The following TMEM117 variants were observed in gnomAD, a reference collection of about 807,000 sequenced individuals.
TMEM117 encodes transmembrane protein 117.
In TMEM117, 27 loss-of-function variants were observed where a neutral mutation model predicts 52.4. That is an observed-to-expected ratio of 0.51 (90% confidence interval 0.38 to 0.71). The LOEUF (loss-of-function observed/expected upper bound fraction) is 0.71. Ranked by LOEUF, TMEM117 falls within the 30% of genes least tolerant of loss-of-function variation. The pLI, the probability that TMEM117 is intolerant of heterozygous loss-of-function variation, is 0.00. For synonymous variants in TMEM117, 215 were observed against 206.3 expected (o/e 1.04, Z -0.36); for missense variants, 556 against 630.5 (o/e 0.88, Z 1.26).
chr12:43,855,912 T>C (rs1943391918), intron 2 of TMEM117, among the ~76,000 whole-genome samples: 2 of 152,200 alleles, frequency 1.3e-5, no homozygotes, highest in Non-Finnish European at 2.9e-5. Context: ...GTCATGGTAA[T>C]ACAGGAATAT....
intron 5 of TMEM117, among the ~76,000 whole-genome samples, chr12:44,283,366 G>A (rs1015410255): frequency 4.6e-5 from 7 of 152,258 alleles, no homozygotes; most frequent in Middle Eastern, 3.4e-3. Flanking sequence ...AGCCAAGAGG[G>A]AGTCTGTCCA....
intron 5 of TMEM117, among the ~76,000 whole-genome samples, chr12:44,274,270 G>C (rs1950485065): frequency 6.6e-6 from 1 of 151,980 alleles, no homozygotes; most frequent in South Asian, 2.1e-4. Context: ...ACTTAGTAAT[G>C]AAAACTATAA....
intron 3 of TMEM117, among the ~76,000 whole-genome samples, chr12:43,959,463 T>G (rs569028373): frequency 6.6e-6 from 1 of 152,244 alleles, no homozygotes; most frequent in Non-Finnish European, 1.5e-5. Context: ...AGTAGTTTAT[T>G]TTTAATTAAA....
intron 5 of TMEM117, among the ~76,000 whole-genome samples, chr12:44,256,525 A>T (rs936871464): frequency 3.3e-5 from 5 of 152,050 alleles, no homozygotes; most frequent in African/African-American, 1.2e-4. Flanking sequence ...TGGATATTTC[A>T]TGTGAATTTT....
intron 3 of TMEM117, among the ~76,000 whole-genome samples, chr12:43,969,611 A>T (rs1945548624): frequency 1.3e-5 from 2 of 152,018 alleles, no homozygotes; most frequent in South Asian, 4.1e-4. Flanking sequence ...TACTTCTTCC[A>T]TTCTGTCATC....
At chr12:43,957,103 T>C (rs1242936362) in intron 3 of TMEM117, among the ~76,000 whole-genome samples, 1 of 152,032 alleles carries the variant, frequency 6.6e-6, no homozygotes, top group South Asian at 2.1e-4. Context: ...AGTTGAACAA[T>C]GAGAACACAT....
intron 2 of TMEM117, among the ~76,000 whole-genome samples, chr12:43,849,701 T>A (rs550893253): frequency 1.1e-3 from 168 of 152,280 alleles, no homozygotes; most frequent in Middle Eastern, 3.4e-3. Context: ...TGGCAGTTTC[T>A]CCTTTTTTTC....
chr12:44,083,371 T>C (rs1161298792), intron 3 of TMEM117, among the ~76,000 whole-genome samples: 1 of 151,336 alleles, frequency 6.6e-6, no homozygotes, highest in Non-Finnish European at 1.5e-5. Context: ...TCACTTAAAT[T>C]TGTATTGGGT....
At chr12:43,872,763 A>G (rs955057013) in intron 2 of TMEM117, among the ~76,000 whole-genome samples, 2 of 152,234 alleles carry the variant, frequency 1.3e-5, no homozygotes, top group African/African-American at 4.8e-5. Flanking sequence ...CTTGTGGTAC[A>G]AAGAAATTGT....
intron 6 of TMEM117, among the ~76,000 whole-genome samples, chr12:44,308,886 T>C (rs1305800871): frequency 6.6e-6 from 1 of 152,168 alleles, no homozygotes; most frequent in Non-Finnish European, 1.5e-5. Flanking sequence ...CCCAAAGTGC[T>C]GGGATTATAG....
rs537298542 is a variant in TMEM117 at position 43,944,427 on chromosome 12, C to CT, written c.410+86dup. On this transcript the variant is annotated intron_variant, in intron 3 of 7. Coordinates refer to ENST00000266534, the MANE Select transcript of TMEM117 (RefSeq NM_032256.3). ...TAAGAGTTTTTTAGCTTGTAGTAGT[C>CT]TAAGTCTGCTTTACAAATATTCTAC... 1.8e-4 allele frequency: 229 copies of CT among 1,253,824 alleles called. 3 individuals carry two copies. In the South Asian group the frequency reaches 3.2e-3, roughly 18 times the overall value. 77.7% of individuals were successfully genotyped at this position (1,253,824 alleles called of 1,614,324 possible).
chr12:43,924,754 G>A (rs78492872), intron 2 of TMEM117, among the ~76,000 whole-genome samples: 94 of 152,106 alleles, frequency 6.2e-4, no homozygotes, highest in African/African-American at 2.1e-3. Context: ...AATAATTATA[G>A]AGCACAAAGT....
chr12:44,174,761 T>C (rs923616907), intron 4 of TMEM117, among the ~76,000 whole-genome samples: 1 of 152,198 alleles, frequency 6.6e-6, no homozygotes, highest in Non-Finnish European at 1.5e-5. Flanking sequence ...GTTGAGCATT[T>C]GATGAACATT....
chr12:44,026,117 G>C (rs1254008425), intron 3 of TMEM117, among the ~76,000 whole-genome samples: 2 of 152,088 alleles, frequency 1.3e-5, no homozygotes, highest in Non-Finnish European at 2.9e-5. Flanking sequence ...TCACATCTTG[G>C]TCTTGTGATT....
intron 5 of TMEM117, among the ~76,000 whole-genome samples, chr12:44,244,087 G>A (rs758890621): frequency 5.9e-5 from 9 of 151,780 alleles, no homozygotes; most frequent in South Asian, 2.1e-4. Flanking sequence ...AGTAAACATG[G>A]GAGTGACATA....
intron 2 of TMEM117, among the ~76,000 whole-genome samples, chr12:43,910,310 A>G (rs28776549): frequency 0.71 from 102,259 of 144,366 alleles, 39,136 homozygotes; most frequent in East Asian, 0.86. Context: ...CATGCTAAAA[A>G]CTCTCAATAA....
At chr12:44,015,139 G>A (rs1051972893) in intron 3 of TMEM117, among the ~76,000 whole-genome samples, 5 of 152,012 alleles carry the variant, frequency 3.3e-5, no homozygotes, top group Non-Finnish European at 5.9e-5. Flanking sequence ...GTTATTACTC[G>A]TACTGTCTAC....
At chr12:43,957,922 A>G (rs1945335009) in intron 3 of TMEM117, among the ~76,000 whole-genome samples, 1 of 152,190 alleles carries the variant, frequency 6.6e-6, no homozygotes, top group African/African-American at 2.4e-5. Context: ...AATATTCTGA[A>G]AAGAGCCACT....
chr12:44,134,245 A>G (rs1948456676), intron 3 of TMEM117, among the ~76,000 whole-genome samples: 2 of 151,962 alleles, frequency 1.3e-5, no homozygotes, highest in African/African-American at 4.8e-5. Context: ...ACAGGTTATC[A>G]CTCTGTTGCC....
Sources: gnomAD v4.1 joint callset for allele counts (sites outside exome capture counted in the v4.1 genomes callset) on GRCh38, gnomAD v4.1.1 for gene constraint, MANE v1.5 for transcripts, NCBI Gene and HGNC (gene_info 2026-07-23, HGNC 2026-07-21) for gene names.